Variants in ADAMTSL2 observed in about 807,000 individuals in gnomAD.
ADAMTSL2 encodes the protein ADAMTS like 2.
ADAMTSL2 carries 55 observed loss-of-function variants against 117.0 expected under a neutral mutation model. The ratio of observed to expected loss-of-function variants is 0.47; its 90% CI spans 0.38 to 0.59. The LOEUF (loss-of-function observed/expected upper bound fraction) is 0.59, where lower values mean the gene tolerates loss of function less well. ADAMTSL2 is among the 20% of genes least tolerant of loss of function. The pLI is 0.00. For missense variants in ADAMTSL2, 1,182 were observed against 1,354.5 expected (o/e 0.87, Z 2.00); for synonymous variants, 572 against 566.4 (o/e 1.01, Z -0.14).
rs1830620283 is a variant in ADAMTSL2 at position 133,557,135 on chromosome 9, C to A, written c.1649+1205C>A. 6.6e-6 allele frequency among the ~76,000 whole-genome samples: 1 copy of A among 152,134 alleles called. No homozygotes were observed. The highest frequency in any genetic ancestry group is 1.5e-5 in the Non-Finnish European group (1 of 68,028). On this transcript the variant is annotated intron_variant, in intron 11 of 18. Transcript: ENST00000651351. This position sits in a 1 kb window ranked among gnomAD's most constrained non-coding sequence, Gnocchi z 5.2. ...TGAATTTGATGGGAGATTCAGGGTT[C>A]ACTCTCGAGGTGATGTGGTTTGGGG...
Position 133,536,817 on chromosome 9 carries a change from G to T in ADAMTSL2, c.90+15G>T. ...CCGGGTCCACGGTGAGTGGGGTGTT[G>T]TGGTCTGAGGGCCCATGCCAGTCCC... On this transcript the variant is annotated intron_variant, in intron 2 of 18. Coordinates refer to ENST00000651351, the MANE Select transcript of ADAMTSL2 (RefSeq NM_014694.4). 1 of 1,614,096 alleles carries T rather than the reference G, an allele frequency of 6.2e-7. No homozygotes were observed. The highest frequency in any genetic ancestry group is 8.5e-7 in the Non-Finnish European group (1 of 1,180,032).
At chr9:133,555,973 G>A in intron 11 of ADAMTSL2, 43 bp downstream of exon 11, 2 of 1,598,556 alleles carry the variant, frequency 1.3e-6, no homozygotes, top group South Asian at 2.2e-5. Context: ...CCCTCAGGGG[G>A]CAGGATGGGG....
Position 133,568,385 on chromosome 9 carries a change from A to G in ADAMTSL2, c.1987A>G (p.Ser663Gly). ...GCCCGGCTTCGACAGCTCCGTGTACAGCGACCTGTGCGAGGCAGCCGAGGC... is the reference window on the plus strand; with the variant it reads ...GCCCGGCTTCGACAGCTCCGTGTACGGCGACCTGTGCGAGGCAGCCGAGGC... The part of the protein sequence containing the change: ...LSPGFDSSVY[S>G]DLCEAAEAVR... Residue 663 changes from serine to glycine, a missense_variant, in exon 14 of 19, where the codon AGC (serine) becomes GGC (glycine). Ser to Gly is a moderately conservative substitution (Grantham distance 56, BLOSUM62 0). Coordinates refer to ENST00000651351, the MANE Select transcript of ADAMTSL2 (RefSeq NM_014694.4). The G allele has an allele frequency of 1.9e-6, 3 of 1,606,716 alleles. No homozygotes were observed. Among genetic ancestry groups the G allele is most frequent in the Non-Finnish European group, 1.7e-6 (2 of 1,177,440 alleles).
At chr9:133,555,377 C>T (rs1000402191) in intron 10 of ADAMTSL2, among the ~76,000 whole-genome samples, 181 bp from the exon 11 acceptor site, 4 of 152,200 alleles carry the variant, frequency 2.6e-5, no homozygotes, top group African/African-American at 7.2e-5. Context: ...ATGATCCAGG[C>T]AGGTCTCATG....
intron 12 of ADAMTSL2, among the ~76,000 whole-genome samples, chr9:133,561,868 C>T (rs1376904154): frequency 2.0e-5 from 3 of 152,180 alleles, no homozygotes; most frequent in Non-Finnish European, 2.9e-5. Context: ...CGCCCTGAGA[C>T]GCTGGCCACA....
At chr9:133,537,101 G>A (rs887949830) in intron 2 of ADAMTSL2, among the ~76,000 whole-genome samples, 1 of 152,198 alleles carries the variant, frequency 6.6e-6, no homozygotes, top group Admixed American at 6.5e-5. Context: ...AACGCAGTTG[G>A]GCCCTGAGCT....
chr9:133,561,113 A>T, intron 11 of ADAMTSL2, 85 bp from the exon 12 acceptor site: 1 of 1,200,542 alleles, frequency 8.3e-7, no homozygotes, highest in Non-Finnish European at 1.2e-6. Flanking sequence ...TACCCTCCGA[A>T]GAAAACTCCC....
chr9:133,562,692 C>T (rs1470085568), intron 12 of ADAMTSL2, among the ~76,000 whole-genome samples: 22 of 138,442 alleles, frequency 1.6e-4, no homozygotes, highest in South Asian at 4.5e-4. Flanking sequence ...CCGCCGTGGG[C>T]GGCGTGGTGG....
At position 133,557,561 on chromosome 9, in the gene ADAMTSL2, G is replaced by T. The variant is rs1177628334; in HGVS notation, c.1649+1631G>T. ...TCTGAGAGGGGGTCCTGGGTAAAGG[G>T]CAGGAGGGACGGACCCAGACAGTGC... On this transcript the variant is annotated intron_variant, in intron 11 of 18. Coordinates refer to ENST00000651351, the MANE Select transcript of ADAMTSL2 (RefSeq NM_014694.4). The surrounding 1 kb of genome is among the most constrained non-coding windows in gnomAD (Gnocchi z 5.2). Among the ~76,000 whole-genome samples, 4 of 152,180 alleles carry T rather than the reference G, an allele frequency of 2.6e-5. No individual in the cohort carries two copies. Among genetic ancestry groups the T allele is most frequent in the African/African-American group, 9.7e-5 (4 of 41,434 alleles).
At chr9:133,556,054 G>C (rs1029813009) in intron 11 of ADAMTSL2, 124 bp downstream of exon 11, 1 of 1,272,750 alleles carries the variant, frequency 7.9e-7, no homozygotes, top group African/African-American at 1.5e-5. Context: ...TAGAGGTAGA[G>C]GAGAGAGGGC....
chr9:133,543,908 A>C (rs28504131), intron 7 of ADAMTSL2, among the ~76,000 whole-genome samples: 1 of 152,128 alleles, frequency 6.6e-6, no homozygotes, highest in South Asian at 2.1e-4. Flanking sequence ...CCTTGAAGAC[A>C]GGCTCTGAGC....
intron 12 of ADAMTSL2, among the ~76,000 whole-genome samples, chr9:133,561,878 A>G (rs1830737129): frequency 6.6e-6 from 1 of 152,206 alleles, no homozygotes; most frequent in African/African-American, 2.4e-5. Context: ...CGCTGGCCAC[A>G]GCCGCTAGAG....
intron 3 of ADAMTSL2, among the ~76,000 whole-genome samples, chr9:133,537,919 G>A (rs573799663): frequency 4.3e-4 from 66 of 152,296 alleles, no homozygotes; most frequent in African/African-American, 1.5e-3. Context: ...GAAAGCCTCC[G>A]CTGCCAGATG....
At chr9:133,551,559 A>C (rs1322684553) in intron 9 of ADAMTSL2, among the ~76,000 whole-genome samples, 1 of 152,170 alleles carries the variant, frequency 6.6e-6, no homozygotes, top group African/African-American at 2.4e-5. Flanking sequence ...AGGGCCTCGC[A>C]GTGTGCCAGA....
intron 9 of ADAMTSL2, among the ~76,000 whole-genome samples, chr9:133,552,534 C>A (rs77183725): frequency 6.6e-6 from 1 of 152,170 alleles, no homozygotes; most frequent in Non-Finnish European, 1.5e-5. Context: ...TAAACACATA[C>A]GGTTGTCCAC....
chr9:133,571,521 C>T (rs1831106491), intron 17 of ADAMTSL2, among the ~76,000 whole-genome samples: 1 of 152,184 alleles, frequency 6.6e-6, no homozygotes, highest in Non-Finnish European at 1.5e-5. Flanking sequence ...GCTGTTTTCC[C>T]CTTCTGCTGC....
In ADAMTSL2 at chr9:133,554,598, A is replaced by G. The variant is rs1830562982; in HGVS notation, c.1181A>G (p.Glu394Gly). The change falls in exon 10 of 19, where the codon GAG becomes GGG. Residue 394 changes from glutamate (E) to glycine (G), a missense_variant. This residue lies in a region of ADAMTSL2 where 345 missense variants were observed against 325.8 expected (regional missense o/e 1.06). Transcript: ENST00000651351. The surrounding 1 kb of genome is among the most constrained non-coding windows in gnomAD (Gnocchi z 5.2). ...TTCGGCCACCCGGGCCTGGACATGG[A>G]GCTGGGCCCCAGCCAGGGCCAGGAG... ...RLFGHPGLDM[E>G]LGPSQGQETN... 3 of 1,547,866 alleles carry G rather than the reference A, an allele frequency of 1.9e-6. No individual in the cohort carries two copies. The highest frequency in any genetic ancestry group is 2.6e-6 in the Non-Finnish European group (3 of 1,146,630).
chr9:133,538,814 G>C (rs1858839), intron 4 of ADAMTSL2, among the ~76,000 whole-genome samples: 89,531 of 151,858 alleles, frequency 0.59, 26,981 homozygotes, highest in South Asian at 0.63. Flanking sequence ...TACCCCCCAC[G>C]CCATAAAACA....
intron 2 of ADAMTSL2, 109 bp from the exon 3 acceptor site, chr9:133,537,296 C>T: frequency 6.7e-6 from 8 of 1,198,948 alleles, no homozygotes; most frequent in Non-Finnish European, 8.7e-6. Flanking sequence ...AGCCAGGGGG[C>T]TGTGTCTTCT....
Sources: allele counts gnomAD v4.1 joint callset (sites outside exome capture counted in the v4.1 genomes callset), GRCh38; gene constraint gnomAD v4.1.1; regional missense constraint gnomAD v4.1.1; non-coding constraint Gnocchi (gnomAD v3.1); transcripts MANE v1.5; gene names NCBI Gene and HGNC (gene_info 2026-07-23, HGNC 2026-07-21).